Variants in HKDC1 observed in about 807,000 individuals in gnomAD.
HKDC1 encodes hexokinase HKDC1.
HKDC1 carries 66 observed loss-of-function variants against 96.6 expected under a neutral mutation model. The ratio of observed to expected loss-of-function variants is 0.68; its 90% CI spans 0.56 to 0.84. The LOEUF (loss-of-function observed/expected upper bound fraction) is 0.84, where lower values mean the gene tolerates loss of function less well. Among genes scored for constraint, HKDC1 ranks in the 40% least tolerant of loss-of-function variants. The pLI, the probability that HKDC1 is intolerant of heterozygous loss-of-function variation, is 0.00. For missense variants in HKDC1, 1,211 were observed against 1,208.1 expected, an observed-to-expected ratio of 1.00 and a Z score of -0.04; for synonymous variants, 466 against 473.1, an observed-to-expected ratio of 0.98 and a Z score of 0.20.
At chr10:69,261,929 C>T in intron 16 of HKDC1, 3 of 215,456 alleles carry the variant, frequency 1.4e-5, no homozygotes, top group South Asian at 5.6e-5. Context: ...TAGCATTTTC[C>T]TCTGTCTTCT....
Position 69,220,466 on chromosome 10 carries a change from T to C in HKDC1, c.31T>C (p.Phe11Leu). 6.2e-7 allele frequency: 1 copy of C among 1,601,582 alleles called. No homozygotes were observed. The highest frequency in any genetic ancestry group is 2.3e-5 in the East Asian group (1 of 43,616). The change falls in exon 1 of 18, where the codon TTC becomes CTC. Residue 11 changes from phenylalanine to leucine, a missense_variant. By Grantham distance (22) the Phe-to-Leu change is conservative. Coordinates refer to ENST00000354624, the MANE Select transcript of HKDC1 (RefSeq NM_025130.4). ...TGCGGTCCACTTGATGGCATTTTAC[T>C]TCAGCAAGCTGAAGGAGGACCAGAT... is the stretch of plus-strand genomic sequence containing the variant. MFAVHLMAFY[F>L]SKLKEDQIKK...
intron 8 of HKDC1, among the ~76,000 whole-genome samples, chr10:69,246,990 T>C (rs1197021025): frequency 2.0e-5 from 3 of 152,264 alleles, no homozygotes; most frequent in African/African-American, 4.8e-5. Flanking sequence ...GTGTGGGTGC[T>C]AGAATCTAAC....
chr10:69,241,508 G>A (rs1358926874), intron 6 of HKDC1, among the ~76,000 whole-genome samples: 1 of 152,032 alleles, frequency 6.6e-6, no homozygotes, highest in African/African-American at 2.4e-5. Context: ...ATTTGAGACG[G>A]AGTCTTGCTC....
intron 16 of HKDC1, among the ~76,000 whole-genome samples, chr10:69,262,757 G>C (rs1843827479): frequency 6.6e-6 from 1 of 152,138 alleles, no homozygotes; most frequent in South Asian, 2.1e-4. Context: ...GTGTAAATTA[G>C]CAAGTGTTCA....
intron 7 of HKDC1, among the ~76,000 whole-genome samples, chr10:69,244,293 C>A (rs1843503616): frequency 6.6e-6 from 1 of 152,154 alleles, no homozygotes; most frequent in Admixed American, 6.6e-5. Context: ...CTTTCCTAGC[C>A]CCAGCCCTGG....
chr10:69,232,992 C>T (rs937903479), intron 3 of HKDC1, 22 bp from the exon 4 acceptor site: 1 of 1,613,576 alleles, frequency 6.2e-7, no homozygotes, highest in Non-Finnish European at 8.5e-7. Context: ...AGCCCATGTA[C>T]TTTGCTTTCT....
intron 5 of HKDC1, 93 bp downstream of exon 5, chr10:69,239,230 A>G (rs1843415006): frequency 6.1e-6 from 5 of 818,622 alleles, no homozygotes; most frequent in Admixed American, 2.3e-5. Flanking sequence ...GGGGTCACAT[A>G]TGGTGCCTGC....
intron 9 of HKDC1, 104 bp downstream of exon 9, chr10:69,247,697 C>A: frequency 2.4e-6 from 2 of 828,432 alleles, no homozygotes; most frequent in Non-Finnish European, 3.9e-6. Context: ...GAACCAACAA[C>A]CCCTCTTGTT....
Position 69,243,498 on chromosome 10 carries a change from CCTTTTTTTTTTTTTTT to C in HKDC1, c.875+134_875+149del. Reference sequence around the variant, plus strand: ...CAACTTTCTTTCTTTTTTTCTTTTTCCTTTTTTTTTTTTTTTGAGATGGAGTCTCACTCTCTAGCCC... The same window carrying C: ...CAACTTTCTTTCTTTTTTTCTTTTTCGAGATGGAGTCTCACTCTCTAGCCC... On this transcript the variant is annotated intron_variant, in intron 7 of 17. Coordinates refer to ENST00000354624, the MANE Select transcript of HKDC1 (RefSeq NM_025130.4). The C allele has an allele frequency of 5.9e-6, 4 of 675,382 alleles. No individual in the cohort carries two copies. In the South Asian group the frequency reaches 1.0e-4, roughly 17 times the overall value. 41.8% of individuals were successfully genotyped at this position (675,382 alleles called of 1,614,324 possible). A position where few individuals can be genotyped will look rare whatever the true frequency, so the allele number is the denominator to read the frequency against.
intron 1 of HKDC1, among the ~76,000 whole-genome samples, chr10:69,226,249 C>T (rs181240805): frequency 2.0e-5 from 3 of 152,306 alleles, no homozygotes; most frequent in East Asian, 1.9e-4. Context: ...CCTCTGTCCC[C>T]GTTTCCTGGT....
intron 1 of HKDC1, among the ~76,000 whole-genome samples, chr10:69,221,970 C>T (rs1843073043): frequency 6.6e-6 from 1 of 151,816 alleles, no homozygotes; most frequent in African/African-American, 2.4e-5. Context: ...ACCTATAATC[C>T]CAGCACTTTG....
chr10:69,237,405 T>C (rs1183019930), intron 4 of HKDC1, among the ~76,000 whole-genome samples: 3 of 151,410 alleles, frequency 2.0e-5, no homozygotes, highest in East Asian at 1.9e-4. Context: ...AAGAAGAAAA[T>C]AGAAATCACC....
Position 69,250,670 on chromosome 10 carries a change from G to C in HKDC1, c.1836+18G>C. ...TTGACAAGGTAAGATAGCCCCACCA[G>C]GCTCACGGCCAGCCCAGTGGGCTTC... On this transcript the variant is annotated intron_variant, in intron 12 of 17. Transcript: ENST00000354624. 1 of 1,612,306 alleles carries C rather than the reference G, an allele frequency of 6.2e-7. No homozygotes were observed. The highest frequency in any genetic ancestry group is 1.7e-5 in the Admixed American group (1 of 60,018).
intron 10 of HKDC1, chr10:69,249,009 C>T (rs954436860): frequency 2.7e-5 from 8 of 296,748 alleles, no homozygotes; most frequent in Non-Finnish European, 4.3e-5. Context: ...GAGTGTACCC[C>T]CCCCGACCCC....
intron 16 of HKDC1, chr10:69,265,381 T>A (rs1843878856): frequency 1.7e-6 from 1 of 587,764 alleles, no homozygotes; most frequent in Non-Finnish European, 3.0e-6. Context: ...ACACTTTATT[T>A]TTTAAAGTTG....
At chr10:69,225,065 T>C (rs191833016) in intron 1 of HKDC1, among the ~76,000 whole-genome samples, 229 of 152,328 alleles carry the variant, frequency 1.5e-3, no homozygotes, top group Admixed American at 3.5e-3. Flanking sequence ...GAGTTGACAT[T>C]CTTTCTGTCA....
chr10:69,256,447 C>T (rs115312285), intron 12 of HKDC1, among the ~76,000 whole-genome samples: 2,531 of 152,292 alleles, frequency 0.017, 59 homozygotes, highest in African/African-American at 0.058. Context: ...TGACTCATGC[C>T]TGTAATTCCA....
intron 2 of HKDC1, 26 bp downstream of exon 2, chr10:69,227,395 G>C (rs1305739795): frequency 6.2e-7 from 1 of 1,613,480 alleles, no homozygotes; most frequent in African/African-American, 1.3e-5. Flanking sequence ...CGCTGCCAGG[G>C]TCCCTGGCTC....
chr10:69,266,170 T>C (rs1165803845), intron 17 of HKDC1, among the ~76,000 whole-genome samples: 1 of 152,228 alleles, frequency 6.6e-6, no homozygotes, highest in Non-Finnish European at 1.5e-5. Flanking sequence ...GAAATGTAAG[T>C]TGGCTGAGTG....
Sources: gnomAD v4.1 joint callset for allele counts (sites outside exome capture counted in the v4.1 genomes callset) on GRCh38, gnomAD v4.1.1 for gene constraint, MANE v1.5 for transcripts, NCBI Gene and HGNC (gene_info 2026-07-23, HGNC 2026-07-21) for gene names.